PDE12: variants seen among roughly 807,000 people sequenced by gnomAD.
PDE12 encodes phosphodiesterase 12.
PDE12 carries 26 observed loss-of-function variants against 45.4 expected under a neutral mutation model. The observed-to-expected ratio is 0.57, with a 90% confidence interval of 0.42 to 0.79. The LOEUF is 0.79. Ranked by LOEUF, PDE12 falls within the 30% of genes least tolerant of loss-of-function variation. The pLI is 0.00. For missense variants in PDE12, 668 were observed against 790.0 expected, an observed-to-expected ratio of 0.85 and a Z score of 1.85; for synonymous variants, 283 against 323.9, an observed-to-expected ratio of 0.87 and a Z score of 1.36.
At chr3:57,584,554 G>A in the PDE12 span, 4 of 1,177,574 alleles carry the variant, frequency 3.4e-6, no homozygotes, top group African/African-American at 6.1e-5. Context: ...AAAACTAGAA[G>A]TTGACTGTTC....
Position 57,559,316 on chromosome 3 carries a change from G to A in PDE12, c.1315G>A (p.Val439Ile), listed in dbSNP as rs752077364. 4.4e-6 allele frequency: 7 copies of A among 1,607,660 alleles called. No homozygotes were observed. The highest frequency in any genetic ancestry group is 6.0e-6 in the Non-Finnish European group (7 of 1,176,044). Residue 439 changes from valine to isoleucine, a missense_variant, in exon 2 of 3, where the codon GTT (valine) becomes ATT (isoleucine). By Grantham distance (29) the Val-to-Ile change is conservative (BLOSUM62 3). This residue lies in a region of PDE12 where 580 missense variants were observed against 662.9 expected (regional missense o/e 0.87). Coordinates refer to ENST00000311180, the MANE Select transcript of PDE12 (RefSeq NM_177966.7). ...CACTTTCCGTTTATTTTAGGTTTCA[G>A]TTCTTCAGTCTACAAAGGACTCTTC... ...LQRSSVLQVS[V>I]LQSTKDSSKR...
chr3:57,597,253 G>A, the PDE12 span: 71 of 1,050,362 alleles, frequency 6.8e-5, no homozygotes, highest in African/African-American at 5.7e-4. Flanking sequence ...AAGAGCGGAG[G>A]AAGAAAGAGG....
Position 57,559,545 on chromosome 3 carries a change from G to GT in PDE12, c.1388-11dup. On this transcript the variant is annotated splice_polypyrimidine_tract_variant and intron_variant, in intron 2 of 2. Coordinates refer to ENST00000311180, the MANE Select transcript of PDE12 (RefSeq NM_177966.7). ...AACTTTAAAAAATACTTACATTAAT[G>GT]TTTTTTATATTCATAGGTGGGTATA... 1 of 1,579,098 alleles carries GT rather than the reference G, an allele frequency of 6.3e-7. No individual in the cohort carries two copies. The highest frequency in any genetic ancestry group is 1.4e-5 in the African/African-American group (1 of 73,148).
chr3:57,655,558 T>G, the PDE12 span, among the ~76,000 whole-genome samples: 1 of 152,218 alleles, frequency 6.6e-6, no homozygotes. Flanking sequence ...ATTCTACTTA[T>G]GACCTCAAGG....
chr3:57,650,748 G>A, the PDE12 span, among the ~76,000 whole-genome samples: 1 of 151,804 alleles, frequency 6.6e-6, no homozygotes, highest in African/African-American at 2.4e-5. Context: ...GCATCAAAAG[G>A]TGAATGGATA....
chr3:57,585,276 G>T, the PDE12 span, among the ~76,000 whole-genome samples: 1 of 152,142 alleles, frequency 6.6e-6, no homozygotes, highest in Non-Finnish European at 1.5e-5. Flanking sequence ...AGTAAAATTT[G>T]GGTAACAGAT....
the PDE12 span, among the ~76,000 whole-genome samples, chr3:57,656,379 A>G: frequency 2.0e-5 from 3 of 152,184 alleles, no homozygotes; most frequent in South Asian, 6.2e-4. Flanking sequence ...ACTGCTGAAT[A>G]GTATTCCATG....
chr3:57,599,852 C>CTT, the PDE12 span, among the ~76,000 whole-genome samples: 257 of 129,290 alleles, frequency 2.0e-3, 1 homozygote, highest in South Asian at 6.8e-3. Flanking sequence ...TATTTACACT[C>CTT]TTTTTTTTTT....
chr3:57,618,627 T>TTTTTG, the PDE12 span, among the ~76,000 whole-genome samples: 71 of 136,898 alleles, frequency 5.2e-4, 2 homozygotes, highest in East Asian at 8.0e-4. Flanking sequence ...TTTTTTTTTT[T>TTTTTG]GAGATGGAGT....
chr3:57,628,042 G>C, the PDE12 span: 1 of 818,402 alleles, frequency 1.2e-6, no homozygotes, highest in East Asian at 2.8e-5. Flanking sequence ...ACTTTAAAAA[G>C]TAATGCACTA....
chr3:57,618,521 A>G, the PDE12 span, among the ~76,000 whole-genome samples: 51 of 151,704 alleles, frequency 3.4e-4, no homozygotes, highest in African/African-American at 1.2e-3. Context: ...TCCCAGGCTC[A>G]ATCAATCCTC....
the PDE12 span, among the ~76,000 whole-genome samples, chr3:57,594,224 CA>C: frequency 1.6e-4 from 25 of 151,642 alleles, no homozygotes; most frequent in African/African-American, 6.1e-4. Context: ...AACTCCATCT[CA>C]AAAAAAATAA....
the PDE12 span, among the ~76,000 whole-genome samples, chr3:57,601,624 T>C: frequency 6.6e-6 from 1 of 152,116 alleles, no homozygotes; most frequent in Non-Finnish European, 1.5e-5. Context: ...ATCACGGGGA[T>C]CCTGGAACCA....
At chr3:57,577,055 A>T in the PDE12 span, among the ~76,000 whole-genome samples, 1 of 140,446 alleles carries the variant, frequency 7.1e-6, no homozygotes. Flanking sequence ...GAGGCATTCT[A>T]AAAAAAAAAA....
chr3:57,623,635 C>T, the PDE12 span, among the ~76,000 whole-genome samples: 3 of 152,134 alleles, frequency 2.0e-5, no homozygotes, highest in East Asian at 1.9e-4. Flanking sequence ...GCTGAGATGG[C>T]GCCATTGCAC....
chr3:57,562,150 T>C lies in PDE12; in HGVS notation c.*2146T>C. On this transcript the variant is annotated 3_prime_UTR_variant, in exon 3 of 3. Coordinates refer to ENST00000311180, the MANE Select transcript of PDE12 (RefSeq NM_177966.7). ...ACTTGGGAGAAAACAAAGTGTCACA[T>C]CAAAAAGTTGAGAAACATTTTGAAA... 1 of 966,110 alleles carries C rather than the reference T, an allele frequency of 1.0e-6. No individual in the cohort carries two copies. Among genetic ancestry groups the C allele is most frequent in the Non-Finnish European group, 1.2e-6 (1 of 812,392 alleles). The allele number at this position is 966,110 out of a possible 1,614,324, so 59.8% of individuals were successfully genotyped here.
In PDE12 at chr3:57,557,101, A is replaced by C; in HGVS notation, c.722A>C (p.Asp241Ala). 6 of 1,614,034 alleles carry C rather than the reference A, an allele frequency of 3.7e-6. No individual in the cohort carries two copies. The highest frequency in any genetic ancestry group is 5.1e-6 in the Non-Finnish European group (6 of 1,180,012). ...EERVYTPSNA[D>A]IGLRLKLHCT... ...CGTGTCTACACCCCGTCCAATGCCG[A>C]CATCGGGCTAAGGCTCAAGCTTCAC... Residue 241 changes from aspartate to alanine, a missense_variant, in exon 1 of 3, where the codon GAC becomes GCC. Physicochemically the swap from Asp to Ala is moderately radical, Grantham distance 126. Coordinates refer to ENST00000311180, the MANE Select transcript of PDE12 (RefSeq NM_177966.7).
At chr3:57,597,271 A>C in the PDE12 span, 1,090 of 883,410 alleles carry the variant, frequency 1.2e-3, 6 homozygotes, top group African/African-American at 0.017. Flanking sequence ...AGGGAGGCAG[A>C]AACGTCTCAG....
chr3:57,642,000 G>T, the PDE12 span, among the ~76,000 whole-genome samples: 1 of 152,088 alleles, frequency 6.6e-6, no homozygotes, highest in Non-Finnish European at 1.5e-5. Flanking sequence ...AAAATTAGAA[G>T]ACAGTGAAGG....
Sources: allele counts gnomAD v4.1 joint callset (sites outside exome capture counted in the v4.1 genomes callset), GRCh38; gene constraint gnomAD v4.1.1; regional missense constraint gnomAD v4.1.1; transcripts MANE v1.5; gene names NCBI Gene and HGNC (gene_info 2026-07-23, HGNC 2026-07-21).